Variants in SCAMP2 observed in about 807,000 individuals in gnomAD.
The protein encoded by SCAMP2 is secretory carrier-associated membrane protein 2.
A neutral mutation model predicts 44.1 loss-of-function variants in SCAMP2; 25 were observed. That is an observed-to-expected ratio of 0.57 (90% CI 0.41 to 0.79). The LOEUF (loss-of-function observed/expected upper bound fraction) is 0.79, where lower values mean the gene tolerates loss of function less well. Ranked by LOEUF, SCAMP2 falls within the 30% of genes least tolerant of loss-of-function variation. SCAMP2 has a pLI of 0.00. For synonymous variants in SCAMP2, 156 were observed against 166.0 expected (o/e 0.94, Z 0.46); for missense variants, 355 against 411.0 (o/e 0.86, Z 1.18).
At chr15:74,862,842 A>ACC (rs1462841688) in intron 1 of SCAMP2, among the ~76,000 whole-genome samples, 6 of 125,968 alleles carry the variant, frequency 4.8e-5, no homozygotes, top group Non-Finnish European at 9.7e-5. Flanking sequence ...AAAAAAACAA[A>ACC]AAACAAACCA....
At chr15:74,849,871 C>T (rs1212377479) in intron 6 of SCAMP2, among the ~76,000 whole-genome samples, 6 of 152,184 alleles carry the variant, frequency 3.9e-5, no homozygotes, top group East Asian at 1.9e-4. Flanking sequence ...AACTCTCTCA[C>T]GAGCTGAGGA....
intron 3 of SCAMP2, 131 bp downstream of exon 3, chr15:74,853,890 A>G: frequency 1.3e-6 from 1 of 774,240 alleles, no homozygotes; most frequent in East Asian, 2.6e-5. Flanking sequence ...AGCTCCGAAC[A>G]AATTAGCAAG....
At chr15:74,860,597 A>G (rs1169899284) in intron 1 of SCAMP2, among the ~76,000 whole-genome samples, 2 of 150,672 alleles carry the variant, frequency 1.3e-5, no homozygotes, top group Non-Finnish European at 3.0e-5. Context: ...CTGAGGCAGG[A>G]GAATCGCTTG....
chr15:74,852,034 G>A, intron 4 of SCAMP2, 35 bp downstream of exon 4: 2 of 1,449,714 alleles, frequency 1.4e-6, no homozygotes. Flanking sequence ...TCTATGCCAG[G>A]CAGGGCAGCC....
In SCAMP2 at chr15:74,844,392, A is replaced by T. The variant is rs936684340; in HGVS notation, c.*691T>A. The T allele has an allele frequency of 3.3e-5, 5 of 152,278 alleles. No homozygotes were observed. Among genetic ancestry groups the T allele is most frequent in the Non-Finnish European group, 7.3e-5 (5 of 68,116 alleles). The allele number at this position is 152,278 out of a possible 1,614,324, so 9.4% of individuals were successfully genotyped here. On this transcript the variant is annotated 3_prime_UTR_variant, in exon 9 of 9. Transcript: ENST00000268099. ...AGTCTGAAGAGAGTAAGGCTCAGCA[A>T]GGGGAGGGCTCCAGAGGGCTCAAAG...
chr15:74,855,207 G>T lies in SCAMP2; in HGVS notation c.58-558C>A, dbSNP rs969433306. 1.4e-4 allele frequency among the ~76,000 whole-genome samples: 21 copies of T among 152,022 alleles called. 1 individual carries two copies. Among genetic ancestry groups the T allele is most frequent in the Admixed American group, 1.3e-3 (20 of 15,276 alleles). Reference sequence around the variant, plus strand: ...CAACCTTCGCCTCCTGGGTTGAAGCGATTCTCCTGCCTCAGCCTCCTGAGT... The same window carrying T: ...CAACCTTCGCCTCCTGGGTTGAAGCTATTCTCCTGCCTCAGCCTCCTGAGT... On this transcript the variant is annotated intron_variant, in intron 1 of 8. Transcript: ENST00000268099.
At position 74,851,466 on chromosome 15, in the gene SCAMP2, C is replaced by T. The variant is rs1465790658; in HGVS notation, c.359G>A (p.Trp120Ter). ...VANLHVRQNNWPPLPSWCPVK... is the reference protein window; with the variant it reads ...VANLHVRQNN The stretch of plus-strand genomic sequence containing the variant: ...AGGGCACCACGAGGGCAGAGGGGGC[C>T]AGTTGTTCTGTCTCACTGGGTAGGG... Residue 120 changes from tryptophan (W) to a stop codon, truncating the protein, a stop_gained, in exon 5 of 9, where the codon TGG (tryptophan) becomes TAG (stop). Transcript: ENST00000268099. LOFTEE classifies it high-confidence loss of function. The T allele has an allele frequency of 8.7e-6, 14 of 1,613,864 alleles. No homozygotes were observed. Among genetic ancestry groups the T allele is most frequent in the Non-Finnish European group, 1.2e-5 (14 of 1,179,808 alleles).
chr15:74,851,560 G>T (rs1387455288), intron 4 of SCAMP2, 79 bp from the exon 5 acceptor site: 4 of 1,573,942 alleles, frequency 2.5e-6, no homozygotes, highest in Non-Finnish European at 3.5e-6. Flanking sequence ...CCAGCATAGT[G>T]TATGGGCCAA....
At chr15:74,845,659 G>C in intron 7 of SCAMP2, 66 bp from the exon 8 acceptor site, 1 of 1,591,546 alleles carries the variant, frequency 6.3e-7, no homozygotes, top group South Asian at 1.1e-5. Context: ...AGCATAAGGG[G>C]CTCTTCTCCA....
chr15:74,859,742 G>C (rs2064490954), intron 1 of SCAMP2, among the ~76,000 whole-genome samples: 1 of 150,716 alleles, frequency 6.6e-6, no homozygotes, highest in African/African-American at 2.4e-5. Flanking sequence ...TCAGCCTCCT[G>C]AGTAGCTAGG....
rs377241685 is a variant in SCAMP2 at position 74,854,087 on chromosome 15, T to C, written c.159A>G (p.Gln53=). ...TNAATTVPVT[Q]LPGSSQPAVL... The stretch of plus-strand genomic sequence containing the variant: ...CCGCTGGCTGTGAGGACCCAGGGAG[T>C]TGGGTGACAGGAACTGTTGTCGCTG... The change falls in exon 3 of 9, where the codon CAA becomes CAG. Residue 53 remains glutamine (Q), a synonymous_variant. Transcript: ENST00000268099. 5 of 1,613,832 alleles carry C rather than the reference T, an allele frequency of 3.1e-6. No homozygotes were observed. Among genetic ancestry groups the C allele is most frequent in the Admixed American group, 1.7e-5 (1 of 59,990 alleles).
chr15:74,859,620 T>TTC (rs1480733430), intron 1 of SCAMP2, among the ~76,000 whole-genome samples: 1 of 150,196 alleles, frequency 6.7e-6, no homozygotes, highest in Non-Finnish European at 1.5e-5. Context: ...ACCACACTTT[T>TTC]TTTTTTTTTT....
Position 74,863,001 on chromosome 15 carries a change from G to A in SCAMP2, c.58-8352C>T, listed in dbSNP as rs544205396. 2.0e-5 allele frequency among the ~76,000 whole-genome samples: 3 copies of A among 151,938 alleles called. No homozygotes were observed. In the South Asian group the frequency reaches 6.3e-4, roughly 32 times the overall value. ...GAGGTGAGAGAATCGCTTGAGCCCA[G>A]GAGTTAAGACCAGCCTGGGCATCAT... On this transcript the variant is annotated intron_variant, in intron 1 of 8. Transcript: ENST00000268099.
intron 6 of SCAMP2, among the ~76,000 whole-genome samples, chr15:74,849,080 G>A (rs2141171382): frequency 6.6e-6 from 1 of 151,710 alleles, no homozygotes; most frequent in South Asian, 2.1e-4. Flanking sequence ...AAAAAACAAA[G>A]AACCTAACAC....
At chr15:74,857,153 G>C (rs2064473801) in intron 1 of SCAMP2, among the ~76,000 whole-genome samples, 1 of 152,160 alleles carries the variant, frequency 6.6e-6, no homozygotes. Flanking sequence ...ACTGCCTCCA[G>C]GCATACAGCC....
chr15:74,847,879 A>G (rs1469269856), intron 7 of SCAMP2, among the ~76,000 whole-genome samples: 1 of 152,170 alleles, frequency 6.6e-6, no homozygotes, highest in African/African-American at 2.4e-5. Context: ...TCCTTAAGTT[A>G]CAAGGCATCT....
At position 74,873,267 on chromosome 15, in the gene SCAMP2, G is replaced by A. The variant is rs563769463; in HGVS notation, c.-12C>T. The A allele has an allele frequency of 9.5e-6, 14 of 1,479,102 alleles. No homozygotes were observed. Among genetic ancestry groups the A allele is most frequent in the East Asian group, 5.9e-5 (2 of 33,728 alleles). 91.6% of individuals were successfully genotyped at this position (1,479,102 alleles called of 1,614,324 possible). ...TCGAAAGCCGACATGGTGATCGGGGGCCAGCGGGCGAACTCCGCGAACGCT... is the reference window on the plus strand; with the variant it reads ...TCGAAAGCCGACATGGTGATCGGGGACCAGCGGGCGAACTCCGCGAACGCT... On this transcript the variant is annotated 5_prime_UTR_variant, in exon 1 of 9. Transcript: ENST00000268099.
At position 74,854,142 on chromosome 15, in the gene SCAMP2, C is replaced by A. The variant is rs376256407; in HGVS notation, c.127-23G>T. The A allele has an allele frequency of 3.7e-6, 6 of 1,603,260 alleles. No individual in the cohort carries two copies. The African/African-American group carries it at 4.0e-5, about 11-fold the overall frequency. ...TGTCTACATGGAACAAATCAAAAGA[C>A]AGAATTGAGTGGGACTCCATTAGCT... On this transcript the variant is annotated intron_variant, in intron 2 of 8. Coordinates refer to ENST00000268099, the MANE Select transcript of SCAMP2 (RefSeq NM_005697.5).
chr15:74,849,180 A>C, intron 6 of SCAMP2, among the ~76,000 whole-genome samples: 1 of 152,194 alleles, frequency 6.6e-6, no homozygotes, highest in East Asian at 1.9e-4. Context: ...TAATAAGTAA[A>C]ATCTCTAATA....
Sources: gnomAD v4.1 joint callset for allele counts (sites outside exome capture counted in the v4.1 genomes callset) on GRCh38, gnomAD v4.1.1 for gene constraint, MANE v1.5 for transcripts, NCBI Gene and HGNC (gene_info 2026-07-23, HGNC 2026-07-21) for gene names.